ERC1: variants seen among roughly 807,000 people sequenced by gnomAD.
ERC1 encodes the protein ELKS/RAB6-interacting/CAST family member 1, also known as RAB6 interacting protein 2.
Under a neutral mutation model 132.0 loss-of-function variants are expected in ERC1, and 56 were observed. The observed-to-expected ratio is 0.42, with a 90% CI of 0.34 to 0.53. The LOEUF (loss-of-function observed/expected upper bound fraction) is 0.53. Among genes scored for constraint, ERC1 ranks in the 20% least tolerant of loss-of-function variants. ERC1 has a pLI of 0.03. For synonymous variants in ERC1, 478 were observed against 476.1 expected, an observed-to-expected ratio of 1.00 and a Z score of -0.05; for missense variants, 1,202 against 1,349.9, an observed-to-expected ratio of 0.89 and a Z score of 1.72.
intron 15 of ERC1, among the ~76,000 whole-genome samples, chr12:1,347,023 A>G (rs1437609003): frequency 1.3e-5 from 2 of 151,592 alleles, no homozygotes; most frequent in African/African-American, 4.9e-5. Flanking sequence ...TGAGGATGGT[A>G]TGTTGTAGTC....
At chr12:1,333,173 G>A (rs536398637) in intron 15 of ERC1, among the ~76,000 whole-genome samples, 27 of 151,854 alleles carry the variant, frequency 1.8e-4, no homozygotes, top group African/African-American at 6.5e-4. Flanking sequence ...TCATCATTTA[G>A]CTACCACTTA....
At chr12:1,424,532 GA>G (rs2092546540) in intron 17 of ERC1, among the ~76,000 whole-genome samples, 1 of 151,760 alleles carries the variant, frequency 6.6e-6, no homozygotes, top group African/African-American at 2.4e-5. Flanking sequence ...GAACCATTGG[GA>G]AAAAAGCAAA....
At chr12:1,298,713 T>C (rs1157135395) in intron 15 of ERC1, among the ~76,000 whole-genome samples, 1 of 151,398 alleles carries the variant, frequency 6.6e-6, no homozygotes, top group Non-Finnish European at 1.5e-5. Context: ...CATATCAATA[T>C]TTATGGCAAA....
intron 12 of ERC1, among the ~76,000 whole-genome samples, chr12:1,218,836 A>G (rs1182118302): frequency 1.0e-5 from 1 of 100,372 alleles, no homozygotes; most frequent in Non-Finnish European, 1.8e-5. Context: ...ATATATATAC[A>G]CACACACACA....
intron 18 of ERC1, among the ~76,000 whole-genome samples, chr12:1,466,690 G>A (rs1456820375): frequency 6.6e-6 from 1 of 152,190 alleles, no homozygotes; most frequent in African/African-American, 2.4e-5. Flanking sequence ...TACTCCCTTA[G>A]GGGCCATTCA....
chr12:1,110,359 T>A lies in ERC1; in HGVS notation c.1317+12T>A, dbSNP rs748424684. 2.5e-6 allele frequency: 4 copies of A among 1,579,468 alleles called. No individual in the cohort carries two copies. Among genetic ancestry groups the A allele is most frequent in the Admixed American group, 1.9e-5 (1 of 52,658 alleles). ...TTATGAAAAATAAGGTAATGGCATG[T>A]GAGACTTTTGATTCTTAAAAGGAGT... is the stretch of plus-strand genomic sequence containing the variant. On this transcript the variant is annotated intron_variant, in intron 5 of 18. Transcript: ENST00000360905.
rs1945052853 is a variant in ERC1, at chr12:1,104,681, T to C, written c.1087-69T>C. On this transcript the variant is annotated intron_variant, in intron 3 of 18. Coordinates refer to ENST00000360905, the MANE Select transcript of ERC1 (RefSeq NM_178040.4). ...AGTGATCTTTTGCATACATCGGCTC[T>C]CACTCCTCTTTGAAAAAAATGAGGG... The C allele has an allele frequency of 3.7e-6, 4 of 1,085,882 alleles. No homozygotes were observed. The Admixed American group carries it at 6.8e-5, about 18-fold the overall frequency. 67.3% of individuals were successfully genotyped at this position (1,085,882 alleles called of 1,614,324 possible).
At chr12:1,469,864 C>G (rs1276030208) in intron 18 of ERC1, among the ~76,000 whole-genome samples, 1 of 148,082 alleles carries the variant, frequency 6.8e-6, no homozygotes, top group African/African-American at 2.5e-5. Flanking sequence ...CCCACCCCAC[C>G]CCACCCCCAT....
At chr12:1,194,971 G>A (rs1430818376) in intron 12 of ERC1, among the ~76,000 whole-genome samples, 1 of 151,726 alleles carries the variant, frequency 6.6e-6, no homozygotes, top group African/African-American at 2.4e-5. Context: ...GGGGCAGGGT[G>A]TGTTTTGAAA....
At chr12:1,142,759 T>C (rs1949970505) in intron 8 of ERC1, among the ~76,000 whole-genome samples, 1 of 152,246 alleles carries the variant, frequency 6.6e-6, no homozygotes, top group African/African-American at 2.4e-5. Flanking sequence ...ACATCCTTTG[T>C]ATTTTCTATT....
intron 17 of ERC1, among the ~76,000 whole-genome samples, chr12:1,440,433 C>T (rs1204307303): frequency 1.3e-5 from 2 of 150,274 alleles, no homozygotes; most frequent in Non-Finnish European, 3.0e-5. Context: ...GTCTCGATCT[C>T]CTGACCTCGT....
At chr12:1,342,897 C>T (rs1032567119) in intron 15 of ERC1, among the ~76,000 whole-genome samples, 34 of 152,150 alleles carry the variant, frequency 2.2e-4, no homozygotes, top group African/African-American at 8.0e-4. Flanking sequence ...TCAGGAAGAT[C>T]GTGCTGACCC....
At chr12:1,444,527 A>G (rs2093248796) in intron 17 of ERC1, 35 bp from the exon 18 acceptor site, 1 of 1,430,564 alleles carries the variant, frequency 7.0e-7, no homozygotes, top group African/African-American at 1.4e-5. Context: ...GACTTTCCTC[A>G]TTTTATTTTA....
intron 14 of ERC1, among the ~76,000 whole-genome samples, chr12:1,283,558 A>G (rs2078834652): frequency 6.6e-6 from 1 of 152,214 alleles, no homozygotes; most frequent in Admixed American, 6.5e-5. Flanking sequence ...GCTTAGAGCC[A>G]GAGAGCAAAT....
At chr12:1,321,122 G>A (rs2082089226) in intron 15 of ERC1, among the ~76,000 whole-genome samples, 1 of 152,196 alleles carries the variant, frequency 6.6e-6, no homozygotes, top group Non-Finnish European at 1.5e-5. Context: ...CGAGTGCGGG[G>A]GAAAATGAGG....
intron 16 of ERC1, among the ~76,000 whole-genome samples, chr12:1,372,722 A>C (rs548999986): frequency 6.6e-6 from 1 of 152,350 alleles, no homozygotes; most frequent in African/African-American, 2.4e-5. Flanking sequence ...TCCGCGTCCC[A>C]GCCTCCGTGG....
intron 11 of ERC1, 50 bp from the exon 12 acceptor site, chr12:1,189,809 C>T (rs778496914): frequency 3.6e-5 from 51 of 1,423,702 alleles, no homozygotes; most frequent in Non-Finnish European, 4.6e-5. Flanking sequence ...CATGGTTTGC[C>T]CATTGCCACC....
chr12:1,295,057 G>C (rs912473753), intron 15 of ERC1, among the ~76,000 whole-genome samples: 3 of 152,204 alleles, frequency 2.0e-5, no homozygotes, highest in Admixed American at 2.0e-4. Flanking sequence ...CCGTGAAGCA[G>C]GCATAGTAAG....
At chr12:1,366,762 T>C (rs2154372719) in intron 15 of ERC1, among the ~76,000 whole-genome samples, 1 of 152,244 alleles carries the variant, frequency 6.6e-6, no homozygotes, top group East Asian at 1.9e-4. Flanking sequence ...GTGGGTACAT[T>C]AAAAACTAAA....
Sources: allele counts gnomAD v4.1 joint callset (sites outside exome capture counted in the v4.1 genomes callset), GRCh38; gene constraint gnomAD v4.1.1; transcripts MANE v1.5; gene names NCBI Gene and HGNC (gene_info 2026-07-23, HGNC 2026-07-21).